Variants in PIP5K1A observed in about 807,000 individuals in gnomAD.
PIP5K1A encodes phosphatidylinositol 4-phosphate 5-kinase type-1 alpha.
In PIP5K1A, 46 loss-of-function variants were observed where a neutral mutation model predicts 72.9. That is an observed-to-expected ratio of 0.63 (90% confidence interval 0.50 to 0.81). The LOEUF is 0.81. PIP5K1A is among the 30% of genes least tolerant of loss of function. The pLI is 0.00. For synonymous variants in PIP5K1A, 228 were observed against 255.1 expected, an observed-to-expected ratio of 0.89 and a Z score of 1.01; for missense variants, 458 against 706.1, an observed-to-expected ratio of 0.65 and a Z score of 3.98.
chr1:151,234,569 T>C, intron 8 of PIP5K1A, 73 bp downstream of exon 8: 1 of 1,223,936 alleles, frequency 8.2e-7, no homozygotes, highest in Non-Finnish European at 1.2e-6. Context: ...ATTAAGTTTG[T>C]GGGAGATGGA....
intron 4 of PIP5K1A, among the ~76,000 whole-genome samples, chr1:151,231,076 G>A (rs1689975143): frequency 6.6e-6 from 1 of 152,020 alleles, no homozygotes; most frequent in Admixed American, 6.6e-5. Context: ...GTGTCGTGGT[G>A]CATGCCTGTA....
Position 151,234,205 on chromosome 1 carries a change from C to A in PIP5K1A, c.648C>A (p.Asn216Lys). ...TCCTTTTGTGTTCTCAGAACCTCAA[C>A]CAGAACCCTCGGACTTTGCTGCCTA... ...KLLPGYYMNLNQNPRTLLPKF... is the reference protein window; with the variant it reads ...KLLPGYYMNLKQNPRTLLPKF... Residue 216 changes from asparagine (N) to lysine (K), a missense_variant, in exon 8 of 16, where the codon AAC becomes AAA. Physicochemically the swap from Asn to Lys is moderately conservative, Grantham distance 94 (BLOSUM62 0). Transcript: ENST00000368888. The A allele has an allele frequency of 6.3e-7, 1 of 1,598,874 alleles. No homozygotes were observed. The highest frequency in any genetic ancestry group is 8.5e-7 in the Non-Finnish European group (1 of 1,170,016).
chr1:151,236,119 CA>C (rs377141308), intron 8 of PIP5K1A, among the ~76,000 whole-genome samples: 1,420 of 64,762 alleles, frequency 0.022, 12 homozygotes, highest in African/African-American at 0.054. Context: ...GACTCCGTCT[CA>C]AAAAAAAAAA....
chr1:151,221,480 CT>C (rs1688389988), intron 1 of PIP5K1A, among the ~76,000 whole-genome samples: 1 of 152,176 alleles, frequency 6.6e-6, no homozygotes, highest in African/African-American at 2.4e-5. Flanking sequence ...ACGTGCCACA[CT>C]TCCAAGTGTA....
At chr1:151,231,569 T>G in intron 4 of PIP5K1A, 102 bp from the exon 5 acceptor site, 2 of 969,766 alleles carry the variant, frequency 2.1e-6, no homozygotes, top group Non-Finnish European at 1.6e-6. Flanking sequence ...GACTAAAGGA[T>G]GTTTGTTTTA....
At position 151,224,320 on chromosome 1, in the gene PIP5K1A, T is replaced by C. The variant is rs754547102; in HGVS notation, c.120+41T>C. 2.5e-6 allele frequency: 4 copies of C among 1,610,062 alleles called. No individual in the cohort carries two copies. The South Asian group carries it at 4.4e-5, about 18-fold the overall frequency. On this transcript the variant is annotated intron_variant, in intron 2 of 15. Coordinates refer to ENST00000368888, the MANE Select transcript of PIP5K1A (RefSeq NM_001135638.2). ...ATACAATGGTTACTAAAACCTTAAT[T>C]CTGGGATAGAAGGAACCTGTTTATG... is the stretch of plus-strand genomic sequence containing the variant.
chr1:151,202,777 C>CTTT (rs376494252), intron 1 of PIP5K1A, among the ~76,000 whole-genome samples: 12 of 129,190 alleles, frequency 9.3e-5, no homozygotes, highest in African/African-American at 2.6e-4. Context: ...CCAGTAAAGT[C>CTTT]TTTTTTTTTT....
intron 1 of PIP5K1A, 29 bp downstream of exon 1, chr1:151,199,110 C>T: frequency 1.9e-6 from 3 of 1,613,662 alleles, no homozygotes; most frequent in Non-Finnish European, 2.5e-6. Flanking sequence ...GGGTAGGGAG[C>T]TGGTGAGGAA....
chr1:151,206,904 C>T (rs1359218746), intron 1 of PIP5K1A, among the ~76,000 whole-genome samples: 3 of 150,892 alleles, frequency 2.0e-5, no homozygotes, highest in East Asian at 1.9e-4. Flanking sequence ...TCGCCATGTT[C>T]GCCAGGCTGG....
At chr1:151,245,742 C>G (rs938579986) in intron 14 of PIP5K1A, among the ~76,000 whole-genome samples, 1 of 152,096 alleles carries the variant, frequency 6.6e-6, no homozygotes. Flanking sequence ...TGCCATGTTG[C>G]TGAGGCTGGT....
chr1:151,248,029 C>T lies in PIP5K1A; in HGVS notation c.*164C>T. ...CCTCCATCTTCTTCCTGAAGAAGAA[C>T]CTTCTCTCCTTCCTCTTCCTCATGA... On this transcript the variant is annotated 3_prime_UTR_variant, in exon 16 of 16. Coordinates refer to ENST00000368888, the MANE Select transcript of PIP5K1A (RefSeq NM_001135638.2). 1 of 665,558 alleles carries T rather than the reference C, an allele frequency of 1.5e-6. No individual in the cohort carries two copies. The highest frequency in any genetic ancestry group is 2.8e-5 in the East Asian group (1 of 35,944). 41.2% of individuals were successfully genotyped at this position (665,558 alleles called of 1,614,324 possible). A position where few individuals can be genotyped will look rare whatever the true frequency, so the allele number is the denominator to read the frequency against.
chr1:151,238,980 C>G (rs1306053427), intron 10 of PIP5K1A, 150 bp from the exon 11 acceptor site: 1 of 598,984 alleles, frequency 1.7e-6, no homozygotes, highest in East Asian at 3.0e-5. Context: ...CATGCCTGTT[C>G]TTGGGAAAAC....
rs375612557 is a variant in PIP5K1A, at chr1:151,239,987, C to T, written c.1311C>T (p.Tyr437=). 2.5e-4 allele frequency: 396 copies of T among 1,613,016 alleles called. No individual in the cohort carries two copies. The highest frequency in any genetic ancestry group is 7.1e-4 in the African/African-American group (53 of 74,846). The change falls in exon 12 of 16, where the codon TAC becomes TAT. Residue 437 remains tyrosine, a synonymous_variant. Coordinates refer to ENST00000368888, the MANE Select transcript of PIP5K1A (RefSeq NM_001135638.2). Reference sequence around the variant, plus strand: ...TCTCAGTGCATCGCCCAGGCTTCTACGCTGAACGGTTCCAGCGCTTCATGT... The same window carrying T: ...TCTCAGTGCATCGCCCAGGCTTCTATGCTGAACGGTTCCAGCGCTTCATGT... ...DTVSVHRPGF[Y]AERFQRFMCN...
intron 1 of PIP5K1A, among the ~76,000 whole-genome samples, chr1:151,217,624 C>T (rs12062719): frequency 0.64 from 97,784 of 151,878 alleles, 31,824 homozygotes; most frequent in Non-Finnish European, 0.7. Context: ...TTCTGTCACC[C>T]AAGCTGGAGT....
upstream of PIP5K1A, among the ~76,000 whole-genome samples, chr1:151,196,509 T>A (rs1001944496): frequency 1.6e-4 from 24 of 151,706 alleles, no homozygotes; most frequent in Non-Finnish European, 2.8e-4. Context: ...ATCTTAGATC[T>A]TCATAAGGGA....
chr1:151,198,932 T>G lies in PIP5K1A; in HGVS notation c.-65T>G, dbSNP rs962119649. ...GTAAAGAGACGTTGGGAAGATTCGA[T>G]TCCGAGAAGAGGAAGAACCGGATTG... On this transcript the variant is annotated 5_prime_UTR_variant, in exon 1 of 16. Coordinates refer to ENST00000368888, the MANE Select transcript of PIP5K1A (RefSeq NM_001135638.2). The G allele has an allele frequency of 4.1e-5, 61 of 1,474,566 alleles. No individual in the cohort carries two copies. The highest frequency in any genetic ancestry group is 2.8e-5 in the African/African-American group (2 of 72,118). 91.3% of individuals were successfully genotyped at this position (1,474,566 alleles called of 1,614,324 possible). A position where few individuals can be genotyped will look rare whatever the true frequency, so the allele number is the denominator to read the frequency against.
chr1:151,207,906 C>T (rs1041932626), intron 1 of PIP5K1A, among the ~76,000 whole-genome samples: 1 of 148,118 alleles, frequency 6.8e-6, no homozygotes, highest in Non-Finnish European at 1.5e-5. Flanking sequence ...CTCTTGCTGC[C>T]CAGTCTGGAG....
intron 4 of PIP5K1A, among the ~76,000 whole-genome samples, chr1:151,229,919 T>TG (rs1689783540): frequency 6.8e-6 from 1 of 147,052 alleles, no homozygotes; most frequent in African/African-American, 2.5e-5. Context: ...CCATCTCTAC[T>TG]AAAAAAAAAA....
At chr1:151,228,439 C>G (rs866764322) in intron 4 of PIP5K1A, among the ~76,000 whole-genome samples, 1 of 152,142 alleles carries the variant, frequency 6.6e-6, no homozygotes, top group Non-Finnish European at 1.5e-5. Context: ...GGTGATTGAC[C>G]GTGTCTCACC....
Sources: gnomAD v4.1 joint callset for allele counts (sites outside exome capture counted in the v4.1 genomes callset) on GRCh38, gnomAD v4.1.1 for gene constraint, MANE v1.5 for transcripts, NCBI Gene and HGNC (gene_info 2026-07-23, HGNC 2026-07-21) for gene names.